NPFFR2: variants seen among roughly 807,000 people sequenced by gnomAD.
NPFFR2 encodes G-protein coupled receptor 74.
In NPFFR2, 15 loss-of-function variants were observed where a neutral mutation model predicts 13.1. The ratio of observed to expected loss-of-function variants is 1.15; its 90% CI spans 0.77 to 1.76. The LOEUF (loss-of-function observed/expected upper bound fraction) is 1.76. Among genes scored for constraint, NPFFR2 ranks in the 40% most tolerant of loss-of-function variants. The pLI, the probability that NPFFR2 is intolerant of heterozygous loss-of-function variation, is 0.00. For synonymous variants in NPFFR2, 190 were observed against 175.7 expected, an observed-to-expected ratio of 1.08 and a Z score of -0.65; for missense variants, 572 against 503.5, an observed-to-expected ratio of 1.14 and a Z score of -1.30.
intron 1 of NPFFR2, among the ~76,000 whole-genome samples, chr4:72,056,260 C>G (rs552570310): frequency 9.9e-5 from 15 of 152,036 alleles, no homozygotes; most frequent in Admixed American, 6.6e-4. Flanking sequence ...TTCCAAAACC[C>G]CTAAGTTCCT....
chr4:72,102,022 G>A (rs1249062009), intron 1 of NPFFR2, among the ~76,000 whole-genome samples: 2 of 152,086 alleles, frequency 1.3e-5, no homozygotes, highest in African/African-American at 4.8e-5. Flanking sequence ...ATATTTCCTT[G>A]GGACTAATTA....
intron 1 of NPFFR2, among the ~76,000 whole-genome samples, chr4:72,086,336 C>A (rs546919723): frequency 2.0e-5 from 3 of 152,024 alleles, no homozygotes; most frequent in African/African-American, 4.8e-5. Flanking sequence ...AGTCATCTTA[C>A]GTAGATAGCA....
intron 1 of NPFFR2, among the ~76,000 whole-genome samples, chr4:72,115,469 T>C (rs1220475692): frequency 1.3e-5 from 2 of 152,186 alleles, no homozygotes; most frequent in African/African-American, 2.4e-5. Context: ...TGGGAATAAC[T>C]GCGTCTAAAC....
chr4:72,032,828 G>A (rs1718960540), intron 1 of NPFFR2, among the ~76,000 whole-genome samples: 1 of 151,990 alleles, frequency 6.6e-6, no homozygotes, highest in Admixed American at 6.6e-5. Flanking sequence ...CTGGAGGAGA[G>A]GAAAATGATC....
At chr4:72,095,530 A>G (rs1169415511) in intron 1 of NPFFR2, among the ~76,000 whole-genome samples, 1 of 152,232 alleles carries the variant, frequency 6.6e-6, no homozygotes, top group East Asian at 1.9e-4. Context: ...GACAAAAATT[A>G]CCTCATGGTC....
intron 3 of NPFFR2, among the ~76,000 whole-genome samples, chr4:72,144,273 A>C (rs1722712076): frequency 6.6e-6 from 1 of 152,052 alleles, no homozygotes; most frequent in Admixed American, 6.6e-5. Context: ...AGGTACCTGG[A>C]CTTCTTATAT....
At chr4:72,083,024 A>G (rs113809921) in intron 1 of NPFFR2, among the ~76,000 whole-genome samples, 1 of 152,174 alleles carries the variant, frequency 6.6e-6, no homozygotes, top group Non-Finnish European at 1.5e-5. Flanking sequence ...ATAGTATTCC[A>G]CTGTTTGTAT....
chr4:72,071,600 C>T (rs1720258364), intron 1 of NPFFR2, among the ~76,000 whole-genome samples: 1 of 152,082 alleles, frequency 6.6e-6, no homozygotes. Flanking sequence ...CAACTCTTGG[C>T]ACAAAACCAT....
intron 1 of NPFFR2, among the ~76,000 whole-genome samples, chr4:72,066,379 A>G (rs983099190): frequency 4.6e-5 from 7 of 152,140 alleles, no homozygotes; most frequent in African/African-American, 1.4e-4. Flanking sequence ...GAAGCAATAC[A>G]TCCAAATTTA....
chr4:72,101,483 A>G (rs1410735611), intron 1 of NPFFR2, among the ~76,000 whole-genome samples: 1 of 151,412 alleles, frequency 6.6e-6, no homozygotes, highest in Non-Finnish European at 1.5e-5. Flanking sequence ...ATATTAAAAT[A>G]TGTTATATAT....
chr4:72,076,921 A>G (rs978405453), intron 1 of NPFFR2, among the ~76,000 whole-genome samples: 4 of 152,190 alleles, frequency 2.6e-5, no homozygotes, highest in African/African-American at 9.6e-5. Context: ...TGCTTATTCA[A>G]TGTTACTGCC....
At chr4:72,053,981 A>G (rs1420401323) in intron 1 of NPFFR2, among the ~76,000 whole-genome samples, 1 of 151,884 alleles carries the variant, frequency 6.6e-6, no homozygotes, top group African/African-American at 2.4e-5. Context: ...TAGCATGTTC[A>G]TATTTTGAGT....
At chr4:72,143,958 A>C (rs920342057) in intron 3 of NPFFR2, among the ~76,000 whole-genome samples, 17 of 152,136 alleles carry the variant, frequency 1.1e-4, no homozygotes, top group Non-Finnish European at 1.9e-4. Flanking sequence ...CCATTAATGA[A>C]TGACTTCTCT....
In NPFFR2 at chr4:72,043,595, T is replaced by A. The variant is rs187621658; in HGVS notation, c.-8+11395T>A. ...GAGATCATTTTGGTAATTTAATGTT[T>A]AATAATTGCCCTATTGGATTTTGTG... On this transcript the variant is annotated intron_variant, in intron 1 of 3. Transcript: ENST00000308744. 1.8e-3 allele frequency among the ~76,000 whole-genome samples: 277 copies of A among 152,380 alleles called. 1 individual carries two copies. Among genetic ancestry groups the A allele is most frequent in the African/African-American group, 6.3e-3 (261 of 41,598 alleles).
At chr4:72,053,311 A>G (rs986675907) in intron 1 of NPFFR2, among the ~76,000 whole-genome samples, 14 of 151,866 alleles carry the variant, frequency 9.2e-5, no homozygotes, top group Admixed American at 3.3e-4. Context: ...AACAAAGTGA[A>G]TCTGGGGGAA....
chr4:72,094,566 T>A (rs1721005885), intron 1 of NPFFR2, among the ~76,000 whole-genome samples: 1 of 152,142 alleles, frequency 6.6e-6, no homozygotes, highest in Non-Finnish European at 1.5e-5. Context: ...GGATTATGGC[T>A]GCCTCTGCTG....
At chr4:72,054,790 A>G in intron 1 of NPFFR2, among the ~76,000 whole-genome samples, 1 of 151,886 alleles carries the variant, frequency 6.6e-6, no homozygotes, top group Non-Finnish European at 1.5e-5. Flanking sequence ...ACTCAATGAG[A>G]ATACAAAGAA....
chr4:72,051,769 G>T (rs1174826765), intron 1 of NPFFR2, among the ~76,000 whole-genome samples: 1 of 152,116 alleles, frequency 6.6e-6, no homozygotes, highest in Middle Eastern at 3.4e-3. Flanking sequence ...AAGAAAAAAA[G>T]AGAGAAGAAT....
chr4:72,130,872 G>T (rs575791208), intron 2 of NPFFR2, among the ~76,000 whole-genome samples: 139 of 152,162 alleles, frequency 9.1e-4, no homozygotes, highest in Non-Finnish European at 1.6e-3. Context: ...TTCCTGTCTG[G>T]CATTCAGGAA....
Sources: allele counts gnomAD v4.1 joint callset (sites outside exome capture counted in the v4.1 genomes callset), GRCh38; gene constraint gnomAD v4.1.1; transcripts MANE v1.5; gene names NCBI Gene and HGNC (gene_info 2026-07-23, HGNC 2026-07-21).